MGAT4C: variants seen among roughly 807,000 people sequenced by gnomAD.
MGAT4C encodes the protein MGAT4 family member C, also known as alpha-1,3-mannosyl-glycoprotein 4-beta-N-acetylglucosaminyltransferase C.
Under a neutral mutation model 40.1 loss-of-function variants are expected in MGAT4C, and 19 were observed. That is an observed-to-expected ratio of 0.47 (90% CI 0.33 to 0.70). The LOEUF (loss-of-function observed/expected upper bound fraction) is 0.70, where lower values mean the gene tolerates loss of function less well. MGAT4C is among the 30% of genes least tolerant of loss of function. The pLI, the probability that MGAT4C is intolerant of heterozygous loss-of-function variation, is 0.02. For missense variants in MGAT4C, 491 were observed against 563.2 expected (o/e 0.87, Z 1.30); for synonymous variants, 181 against 187.1 (o/e 0.97, Z 0.27).
At chr12:86,601,037 T>C (rs1961752647) in intron 2 of MGAT4C, among the ~76,000 whole-genome samples, 1 of 152,212 alleles carries the variant, frequency 6.6e-6, no homozygotes, top group African/African-American at 2.4e-5. Context: ...CCCCGCTGTC[T>C]CGGCCCCCTC....
chr12:86,695,737 C>A (rs988958198), intron 2 of MGAT4C, among the ~76,000 whole-genome samples: 1 of 151,504 alleles, frequency 6.6e-6, no homozygotes, highest in East Asian at 1.9e-4. Context: ...TCGAACTCAT[C>A]GACACAGAGA....
chr12:86,128,616 T>A (rs1014437418), intron 1 of MGAT4C, among the ~76,000 whole-genome samples: 3 of 152,100 alleles, frequency 2.0e-5, no homozygotes, highest in Admixed American at 6.6e-5. Flanking sequence ...ACTATATATA[T>A]CAAAATACGT....
At chr12:86,341,762 C>CTG (rs763994017) in intron 3 of MGAT4C, among the ~76,000 whole-genome samples, 8 of 152,182 alleles carry the variant, frequency 5.3e-5, no homozygotes, top group Non-Finnish European at 1.0e-4. Flanking sequence ...GGCCTGACTG[C>CTG]TGCTTTAAGC....
chr12:86,046,137 C>T (rs1162818934), intron 2 of MGAT4C, among the ~76,000 whole-genome samples: 1 of 152,150 alleles, frequency 6.6e-6, no homozygotes, highest in Non-Finnish European at 1.5e-5. Context: ...ATGTTGAGAA[C>T]ATAAGATGTT....
intron 2 of MGAT4C, among the ~76,000 whole-genome samples, chr12:86,574,720 CATTG>C (rs1345346623): frequency 7.2e-5 from 11 of 151,736 alleles, no homozygotes; most frequent in Admixed American, 4.0e-4. Flanking sequence ...TAACTGCCTT[CATTG>C]ATTGAGCAAT....
At chr12:86,264,627 C>T (rs1240004982) in intron 4 of MGAT4C, among the ~76,000 whole-genome samples, 1 of 152,198 alleles carries the variant, frequency 6.6e-6, no homozygotes, top group Non-Finnish European at 1.5e-5. Context: ...CATTTCTGTG[C>T]TCTTGGGGGC....
chr12:86,294,342 T>TATTCACAC lies in MGAT4C; in HGVS notation c.-57+39715_-57+39722dup, dbSNP rs539774778. The stretch of plus-strand genomic sequence containing the variant: ...TCGTCTATCATGGGGGAAAAGGTGT[T>TATTCACAC]ATTCACACTCACTAAAACTCCTTTT... On this transcript the variant is annotated intron_variant, in intron 4 of 7. Coordinates refer to the MGAT4C transcript ENST00000548651. 6.5e-3 allele frequency among the ~76,000 whole-genome samples: 928 copies of TATTCACAC among 143,674 alleles called. 10 individuals carry two copies. The highest frequency in any genetic ancestry group is 0.023 in the African/African-American group (891 of 39,498). 94.3% of individuals were successfully genotyped at this position (143,674 alleles called of 152,430 possible). A position where few individuals can be genotyped will look rare whatever the true frequency, so the allele number is the denominator to read the frequency against.
At chr12:86,698,430 A>T (rs1042647713) in intron 2 of MGAT4C, among the ~76,000 whole-genome samples, 4 of 151,992 alleles carry the variant, frequency 2.6e-5, no homozygotes, top group African/African-American at 9.7e-5. Flanking sequence ...AAATACAAAA[A>T]CATTTGTTAC....
intron 2 of MGAT4C, among the ~76,000 whole-genome samples, chr12:86,487,579 T>C (rs1053143624): frequency 3.3e-5 from 5 of 152,208 alleles, no homozygotes; most frequent in Non-Finnish European, 7.3e-5. Flanking sequence ...GAAGTTAGTA[T>C]GTGTTTGACA....
At chr12:86,708,590 C>T (rs1025781712) in intron 2 of MGAT4C, among the ~76,000 whole-genome samples, 2 of 152,102 alleles carry the variant, frequency 1.3e-5, no homozygotes, top group Non-Finnish European at 1.5e-5. Flanking sequence ...CACAGACACT[C>T]AGCGCTAGCC....
At chr12:86,327,378 C>T (rs149143141) in intron 4 of MGAT4C, among the ~76,000 whole-genome samples, 3 of 151,944 alleles carry the variant, frequency 2.0e-5, no homozygotes, top group African/African-American at 7.2e-5. Context: ...TTGATTGATG[C>T]ATACTCAAAC....
intron 3 of MGAT4C, among the ~76,000 whole-genome samples, chr12:86,390,380 T>C (rs1336454703): frequency 6.6e-6 from 1 of 152,220 alleles, no homozygotes; most frequent in African/African-American, 2.4e-5. Flanking sequence ...GTTTCCAGTC[T>C]AATATTTTGT....
chr12:86,446,502 A>G (rs938279144), intron 2 of MGAT4C, among the ~76,000 whole-genome samples: 11 of 151,024 alleles, frequency 7.3e-5, no homozygotes, highest in Non-Finnish European at 1.5e-4. Context: ...TGTCTTAAAG[A>G]AAAAAAAGGC....
intron 2 of MGAT4C, among the ~76,000 whole-genome samples, chr12:86,495,799 T>C (rs1374749974): frequency 6.6e-6 from 1 of 152,076 alleles, no homozygotes; most frequent in Non-Finnish European, 1.5e-5. Flanking sequence ...TAACTCATAA[T>C]AGTTTCTTCC....
At chr12:86,144,706 A>T (rs1883282984) in intron 1 of MGAT4C, among the ~76,000 whole-genome samples, 1 of 152,210 alleles carries the variant, frequency 6.6e-6, no homozygotes, top group African/African-American at 2.4e-5. Context: ...AAGTAGCATA[A>T]TTATCATTAT....
intron 2 of MGAT4C, among the ~76,000 whole-genome samples, chr12:86,441,170 C>CA (rs1226398493): frequency 2.0e-5 from 3 of 151,692 alleles, no homozygotes; most frequent in Non-Finnish European, 4.4e-5. Context: ...CAATTCTAAG[C>CA]AAAAAGAACA....
intron 4 of MGAT4C, among the ~76,000 whole-genome samples, chr12:86,329,974 G>A (rs1224002344): frequency 6.6e-6 from 1 of 152,106 alleles, no homozygotes; most frequent in African/African-American, 2.4e-5. Flanking sequence ...GATATCCACA[G>A]AAAATTTCAT....
rs891444330 is a variant in MGAT4C at position 86,471,641 on chromosome 12, T to C, written c.-228-36376A>G. On this transcript the variant is annotated intron_variant, in intron 2 of 7. Transcript: ENST00000548651. The stretch of plus-strand genomic sequence containing the variant: ...GTTCTAGCCCATAAAATTAAGTCCG[T>C]GATGTGAGAAAATTTTGGCTTAAGA... Among the ~76,000 whole-genome samples the C allele has an allele frequency of 5.3e-4, 80 of 151,952 alleles. 1 individual carries two copies. The highest frequency in any genetic ancestry group is 1.8e-3 in the African/African-American group (74 of 41,378).
chr12:86,599,790 C>T (rs889189301), intron 2 of MGAT4C: 1 of 152,054 alleles, frequency 6.6e-6, no homozygotes, highest in Non-Finnish European at 1.5e-5. Flanking sequence ...TAGGAGGTAA[C>T]TTTTGGGAGA....
Sources: allele counts gnomAD v4.1 joint callset (sites outside exome capture counted in the v4.1 genomes callset), GRCh38; gene constraint gnomAD v4.1.1; transcripts MANE v1.5; gene names NCBI Gene and HGNC (gene_info 2026-07-23, HGNC 2026-07-21).